AP5S1: variants seen among roughly 807,000 people sequenced by gnomAD.
AP5S1 encodes adaptor related protein complex 5 subunit sigma 1.
AP5S1 carries 13 observed loss-of-function variants against 13.9 expected under a neutral mutation model. The observed-to-expected ratio is 0.94, with a 90% CI of 0.61 to 1.49. The LOEUF (loss-of-function observed/expected upper bound fraction) is 1.49. Ranked by LOEUF, AP5S1 falls within the 40% of genes most tolerant of loss-of-function variation. The probability of loss-of-function intolerance (pLI) is 0.00; values close to 1 mark genes in which losing one functional copy is unlikely to be tolerated. For synonymous variants in AP5S1, 132 were observed against 121.8 expected (o/e 1.08, Z -0.55); for missense variants, 292 against 272.3 (o/e 1.07, Z -0.51).
chr20:3,823,873 A>T lies in AP5S1; in HGVS notation c.179A>T (p.Gln60Leu), dbSNP rs1207301149. 1.9e-6 allele frequency: 3 copies of T among 1,598,298 alleles called. No homozygotes were observed. Among genetic ancestry groups the T allele is most frequent in the Non-Finnish European group, 2.5e-6 (3 of 1,177,054 alleles). Residue 60 changes from glutamine (Q) to leucine (L), a missense_variant and splice_region_variant, in exon 3 of 3, where the codon CAG (glutamine) becomes CTG (leucine). By Grantham distance (113) the Gln-to-Leu change is moderately radical. Transcript: ENST00000615891. ...RKEQILAVAR[Q>L]VESMCRLQQQ... ...CCTGACCTGCCCACTCTCCCCAGGCAGGTAGAGTCAATGTGTCGGCTGCAG... is the reference window on the plus strand; with the variant it reads ...CCTGACCTGCCCACTCTCCCCAGGCTGGTAGAGTCAATGTGTCGGCTGCAG...
intron 1 of AP5S1, among the ~76,000 whole-genome samples, chr20:3,821,089 A>C (rs2089576502): frequency 6.6e-6 from 1 of 152,150 alleles, no homozygotes; most frequent in South Asian, 2.1e-4. Context: ...TGAGATTCAC[A>C]AGTTGTAACC....
Position 3,824,111 on chromosome 20 carries a change from C to A in AP5S1, c.417C>A (p.Leu139=), listed in dbSNP as rs765770870. ...ACCTGCTACTGGCTGAGGGCACGCT[C>A]CGGCTGCTGACACGCCTCCTCCTTG... ...HENLLLAEGT[L]RLLTRLLLDH... The change falls in exon 3 of 3, where the codon CTC becomes CTA. Residue 139 remains leucine, a synonymous_variant. Coordinates refer to ENST00000615891, the MANE Select transcript of AP5S1 (RefSeq NM_018347.3). The A allele has an allele frequency of 2.5e-6, 4 of 1,613,824 alleles. No individual in the cohort carries two copies. The African/African-American group carries it at 5.3e-5, about 22-fold the overall frequency.
rs543207631 is a variant in AP5S1, at chr20:3,820,901, A to T, written c.-17+143A>T. The T allele has an allele frequency of 2.0e-5, 3 of 152,222 alleles. No individual in the cohort carries two copies. The East Asian group carries it at 5.8e-4, about 29-fold the overall frequency. 9.4% of individuals were successfully genotyped at this position (152,222 alleles called of 1,614,324 possible). On this transcript the variant is annotated intron_variant, in intron 1 of 2. Coordinates refer to ENST00000615891, the MANE Select transcript of AP5S1 (RefSeq NM_018347.3). ...TCCGGTTCTCGAAGTGCCTTTGCGA[A>T]CCTGCTATTTTACCAGTTTAAACTG... is the stretch of plus-strand genomic sequence containing the variant.
rs1568523115 is a variant in AP5S1 at position 3,823,928 on chromosome 20, C to A, written c.234C>A (p.Asp78Glu). ...QQQASGRPPM[D>E]LQPQSSDEQV... ...AGGCATCTGGCCGGCCCCCCATGGA[C>A]CTGCAGCCGCAATCCTCAGATGAGC... is the stretch of plus-strand genomic sequence containing the variant. The change falls in exon 3 of 3, where the codon GAC becomes GAA. Residue 78 changes from aspartate to glutamate, a missense_variant. Physicochemically the swap from Asp to Glu is conservative, Grantham distance 45. Coordinates refer to ENST00000615891, the MANE Select transcript of AP5S1 (RefSeq NM_018347.3). The A allele has an allele frequency of 6.2e-7, 1 of 1,605,188 alleles. No homozygotes were observed. Among genetic ancestry groups the A allele is most frequent in the East Asian group, 2.2e-5 (1 of 44,876 alleles).
chr20:3,824,342 A>G lies in AP5S1; in HGVS notation c.*45A>G. On this transcript the variant is annotated 3_prime_UTR_variant, in exon 3 of 3. Transcript: ENST00000615891. The stretch of plus-strand genomic sequence containing the variant: ...TTCTGAGGGCAGGCAGAGGGTAGAC[A>G]CACAGCCAGATGAAGCTTGGCATCT... 1 of 1,555,744 alleles carries G rather than the reference A, an allele frequency of 6.4e-7. No individual in the cohort carries two copies. Among genetic ancestry groups the G allele is most frequent in the Non-Finnish European group, 8.8e-7 (1 of 1,139,932 alleles).
At position 3,822,256 on chromosome 20, in the gene AP5S1, A is replaced by C; in HGVS notation, c.139A>C (p.Arg47=). The C allele has an allele frequency of 6.2e-7, 1 of 1,614,180 alleles. No individual in the cohort carries two copies. The highest frequency in any genetic ancestry group is 8.5e-7 in the Non-Finnish European group (1 of 1,180,030). ...DPRPHGAERD[R]LLRKEQILAV... ...ACGGCCGCATGGTGCCGAGAGGGAC[A>C]GGCTTCTCCGGAAGGAACAGATTTT... Residue 47 remains arginine (R), a synonymous_variant, in exon 2 of 3, where the codon AGG becomes CGG. Coordinates refer to ENST00000615891, the MANE Select transcript of AP5S1 (RefSeq NM_018347.3).
At chr20:3,822,074 C>T in intron 1 of AP5S1, 28 bp from the exon 2 acceptor site, 1 of 1,602,304 alleles carries the variant, frequency 6.2e-7, no homozygotes, top group East Asian at 2.2e-5. Flanking sequence ...TCACTCTCAC[C>T]TTACCAATGT....
Position 3,824,536 on chromosome 20 carries a change from G to A in AP5S1, c.*239G>A, listed in dbSNP as rs1329845468. 12 of 557,500 alleles carry A rather than the reference G, an allele frequency of 2.2e-5. No homozygotes were observed. The highest frequency in any genetic ancestry group is 3.2e-5 in the Non-Finnish European group (10 of 314,546). The allele number at this position is 557,500 out of a possible 1,614,324, so 34.5% of individuals were successfully genotyped here. ...CTGCTGTGTTACTTAGACCGCTGCC[G>A]TGCGGCAGCCACGCTTGTCCTTGAA... On this transcript the variant is annotated 3_prime_UTR_variant, in exon 3 of 3. Coordinates refer to ENST00000615891, the MANE Select transcript of AP5S1 (RefSeq NM_018347.3).
intron 1 of AP5S1, among the ~76,000 whole-genome samples, chr20:3,821,473 G>A (rs1178442236): frequency 6.6e-6 from 1 of 152,078 alleles, no homozygotes; most frequent in African/African-American, 2.4e-5. Context: ...CCGGGTTCAA[G>A]CGATTCTGTG....
intron 2 of AP5S1, among the ~76,000 whole-genome samples, chr20:3,823,097 C>T (rs1248363540): frequency 1.3e-5 from 2 of 152,220 alleles, no homozygotes; most frequent in Non-Finnish European, 2.9e-5. Flanking sequence ...GTGCGTGGCT[C>T]AGACTGGAAG....
Position 3,825,313 on chromosome 20 carries a change from G to T in AP5S1, c.*1016G>T, listed in dbSNP as rs1457950445. ...GGCTGTGTGATTTTACCCTCTTTCTGTGAGTTTGATGCGTGCATCCTGCTC... is the reference window on the plus strand; with the variant it reads ...GGCTGTGTGATTTTACCCTCTTTCTTTGAGTTTGATGCGTGCATCCTGCTC... On this transcript the variant is annotated 3_prime_UTR_variant, in exon 3 of 3. Transcript: ENST00000615891. The T allele has an allele frequency of 6.6e-6, 1 of 152,290 alleles. No homozygotes were observed. Among genetic ancestry groups the T allele is most frequent in the Non-Finnish European group, 1.5e-5 (1 of 68,096 alleles). 9.4% of individuals were successfully genotyped at this position (152,290 alleles called of 1,614,324 possible).
Position 3,824,042 on chromosome 20 carries a change from C to A in AP5S1, c.348C>A (p.Gly116=), listed in dbSNP as rs767719093. ...FQEPRTVVWL[G]VLSLGFALVL... ...AGCCACGGACGGTGGTGTGGCTGGG[C>A]GTGCTCTCGTTAGGCTTTGCCCTGG... The change falls in exon 3 of 3, where the codon GGC becomes GGA. Residue 116 remains glycine, a synonymous_variant. Coordinates refer to ENST00000615891, the MANE Select transcript of AP5S1 (RefSeq NM_018347.3). 1 of 1,613,572 alleles carries A rather than the reference C, an allele frequency of 6.2e-7. No homozygotes were observed. The highest frequency in any genetic ancestry group is 1.7e-5 in the Admixed American group (1 of 60,018).
Position 3,824,582 on chromosome 20 carries a change from C to A in AP5S1, c.*285C>A. On this transcript the variant is annotated 3_prime_UTR_variant, in exon 3 of 3. Coordinates refer to ENST00000615891, the MANE Select transcript of AP5S1 (RefSeq NM_018347.3). ...TTGAACCCACCTTCCTCCATCCCTG[C>A]CAGCCGATAGTGCTAGGGTGAGGAG... 1 of 460,452 alleles carries A rather than the reference C, an allele frequency of 2.2e-6. No homozygotes were observed. Among genetic ancestry groups the A allele is most frequent in the Non-Finnish European group, 3.9e-6 (1 of 253,168 alleles). The allele number at this position is 460,452 out of a possible 1,614,324, so 28.5% of individuals were successfully genotyped here.
At chr20:3,823,794 C>T (rs1157226997) in intron 2 of AP5S1, 77 bp from the exon 3 acceptor site, 2 of 1,537,626 alleles carry the variant, frequency 1.3e-6, no homozygotes, top group South Asian at 1.2e-5. Flanking sequence ...GATGGTAGCT[C>T]CCAGCACCAG....
intron 2 of AP5S1, among the ~76,000 whole-genome samples, chr20:3,822,994 C>G (rs574548712): frequency 1.3e-5 from 2 of 152,102 alleles, no homozygotes; most frequent in South Asian, 4.1e-4. Context: ...CTGGGGCAAC[C>G]TTCTGCCAAC....
Position 3,823,964 on chromosome 20 carries a change from G to C in AP5S1, c.270G>C (p.Leu90=). ...AATCCTCAGATGAGCAAGTGCCGCT[G>C]CACGAGGCCCCACGTGGGGCTTTCC... ...QPQSSDEQVP[L]HEAPRGAFRL... is the part of the protein sequence containing the mutation. Residue 90 remains leucine (L), a synonymous_variant, in exon 3 of 3, where the codon CTG becomes CTC. Coordinates refer to ENST00000615891, the MANE Select transcript of AP5S1 (RefSeq NM_018347.3). 1 of 1,610,386 alleles carries C rather than the reference G, an allele frequency of 6.2e-7. No homozygotes were observed. The highest frequency in any genetic ancestry group is 8.5e-7 in the Non-Finnish European group (1 of 1,180,022).
At position 3,824,165 on chromosome 20, in the gene AP5S1, C is replaced by T. The variant is rs954827782; in HGVS notation, c.471C>T (p.Thr157=). ...ACCTCCGGCTGCTGGCGCCCAGCAC[C>T]AGCCTTCTGCTGCGGGCTGACCGCA... ...LDHLRLLAPS[T]SLLLRADRIE... Residue 157 remains threonine, a synonymous_variant, in exon 3 of 3, where the codon ACC becomes ACT. Transcript: ENST00000615891. 4 of 1,614,004 alleles carry T rather than the reference C, an allele frequency of 2.5e-6. No homozygotes were observed. In the African/African-American group the frequency reaches 5.3e-5, roughly 22 times the overall value.
chr20:3,824,049 T>C lies in AP5S1; in HGVS notation c.355T>C (p.Ser119Pro). The change falls in exon 3 of 3, where the codon TCG (serine) becomes CCG (proline). Residue 119 changes from serine to proline, a missense_variant. Coordinates refer to ENST00000615891, the MANE Select transcript of AP5S1 (RefSeq NM_018347.3). ...GACGGTGGTGTGGCTGGGCGTGCTCTCGTTAGGCTTTGCCCTGGTGCTGGA... is the reference window on the plus strand; with the variant it reads ...GACGGTGGTGTGGCTGGGCGTGCTCCCGTTAGGCTTTGCCCTGGTGCTGGA... ...PRTVVWLGVL[S>P]LGFALVLDAH... 1.2e-6 allele frequency: 2 copies of C among 1,613,856 alleles called. No individual in the cohort carries two copies. The highest frequency in any genetic ancestry group is 8.5e-7 in the Non-Finnish European group (1 of 1,180,012).
chr20:3,821,792 C>T (rs1215928205), intron 1 of AP5S1: 7 of 510,290 alleles, frequency 1.4e-5, no homozygotes, highest in Middle Eastern at 9.3e-4. Flanking sequence ...ATGACCTTGA[C>T]GCTTTTGAAG....
Sources: allele counts gnomAD v4.1 joint callset (sites outside exome capture counted in the v4.1 genomes callset), GRCh38; gene constraint gnomAD v4.1.1; transcripts MANE v1.5; gene names NCBI Gene and HGNC (gene_info 2026-07-23, HGNC 2026-07-21).